Variants in ERBB4 observed in about 807,000 individuals in gnomAD.
ERBB4 encodes receptor tyrosine-protein kinase erbB-4.
Under a neutral mutation model 158.0 loss-of-function variants are expected in ERBB4, and 42 were observed. The observed-to-expected ratio is 0.27, with a 90% CI of 0.21 to 0.34. The LOEUF is 0.34. Among genes scored for constraint, ERBB4 ranks in the 10% least tolerant of loss-of-function variants. ERBB4 has a pLI of 1.00. For missense variants in ERBB4, 1,333 were observed against 1,624.1 expected (o/e 0.82, Z 3.08); for synonymous variants, 583 against 558.7 (o/e 1.04, Z -0.61).
At chr2:211,956,600 A>C (rs917711862) in intron 2 of ERBB4, among the ~76,000 whole-genome samples, 3 of 152,122 alleles carry the variant, frequency 2.0e-5, no homozygotes, top group Admixed American at 6.6e-5. Context: ...AATGCTCAAA[A>C]GTTGAATCAA....
intron 9 of ERBB4, among the ~76,000 whole-genome samples, chr2:211,707,914 TG>T (rs1404193598): frequency 1.4e-4 from 22 of 152,216 alleles, no homozygotes; most frequent in African/African-American, 5.1e-4. Flanking sequence ...TTATTATTTT[TG>T]CATTTTATCA....
intron 25 of ERBB4, among the ~76,000 whole-genome samples, chr2:211,408,257 A>G (rs958036783): frequency 1.3e-5 from 2 of 152,216 alleles, no homozygotes; most frequent in African/African-American, 4.8e-5. Context: ...AGATTTTCCC[A>G]GTAATTTACA....
intron 3 of ERBB4, among the ~76,000 whole-genome samples, chr2:211,795,436 G>A (rs1432900794): frequency 6.6e-6 from 1 of 151,818 alleles, no homozygotes; most frequent in African/African-American, 2.4e-5. Context: ...CTTGGTATGA[G>A]CAAGGAATAT....
chr2:211,581,641 T>C (rs1359178186), intron 19 of ERBB4, among the ~76,000 whole-genome samples: 1 of 152,168 alleles, frequency 6.6e-6, no homozygotes, highest in East Asian at 1.9e-4. Flanking sequence ...CTGCTCTTTC[T>C]TCCCATCATT....
At chr2:212,440,734 A>T (rs1469963245) in intron 1 of ERBB4, among the ~76,000 whole-genome samples, 1 of 152,210 alleles carries the variant, frequency 6.6e-6, no homozygotes, top group East Asian at 1.9e-4. Context: ...GTTATGCAAA[A>T]TAAATGCACT....
chr2:211,796,778 T>C (rs1316070842), intron 3 of ERBB4, among the ~76,000 whole-genome samples: 1 of 151,924 alleles, frequency 6.6e-6, no homozygotes, highest in African/African-American at 2.4e-5. Context: ...TCTTACTATG[T>C]GTAAAACATT....
intron 2 of ERBB4, among the ~76,000 whole-genome samples, chr2:212,074,884 TA>T (rs541061511): frequency 2.8e-4 from 43 of 151,980 alleles, no homozygotes; most frequent in Non-Finnish European, 5.9e-4. Context: ...TCCTTTCCTC[TA>T]ACCAAACAAT....
intron 1 of ERBB4, among the ~76,000 whole-genome samples, chr2:212,393,039 C>T (rs1269324738): frequency 6.6e-6 from 1 of 152,098 alleles, no homozygotes; most frequent in East Asian, 1.9e-4. Flanking sequence ...CCAAAGCAAG[C>T]CCTGGGCAAA....
intron 4 of ERBB4, among the ~76,000 whole-genome samples, chr2:211,785,496 C>T (rs1296615889): frequency 6.6e-6 from 1 of 152,126 alleles, no homozygotes; most frequent in African/African-American, 2.4e-5. Flanking sequence ...TATTGCTCAA[C>T]CTAGGGTCAT....
Position 211,634,650 on chromosome 2 carries a change from C to G in ERBB4, c.1947-4056G>C, listed in dbSNP as rs550012710. 1.6e-4 allele frequency among the ~76,000 whole-genome samples: 24 copies of G among 152,080 alleles called. No individual in the cohort carries two copies. The South Asian group carries it at 4.4e-3, about 28-fold the overall frequency. On this transcript the variant is annotated intron_variant, in intron 16 of 27. Transcript: ENST00000342788. The stretch of plus-strand genomic sequence containing the variant: ...GATGATAATGGCTATTACCAACCAA[C>G]CTGTTTCTGAGCGTGAATGTGATTT...
At chr2:212,207,388 A>G (rs1022895056) in intron 1 of ERBB4, among the ~76,000 whole-genome samples, 2 of 152,210 alleles carry the variant, frequency 1.3e-5, no homozygotes, top group Admixed American at 6.5e-5. Context: ...AAATAATCTT[A>G]TGCATTTGCA....
At chr2:211,748,937 A>G (rs868045842) in intron 5 of ERBB4, among the ~76,000 whole-genome samples, 1 of 152,220 alleles carries the variant, frequency 6.6e-6, no homozygotes, top group Non-Finnish European at 1.5e-5. Flanking sequence ...TTAGCCTCCA[A>G]TTCTTTGCTA....
intron 1 of ERBB4, among the ~76,000 whole-genome samples, chr2:212,213,444 T>C (rs549046842): frequency 7.2e-5 from 11 of 152,030 alleles, no homozygotes; most frequent in African/African-American, 2.2e-4. Flanking sequence ...GAAGTTGTCT[T>C]AATTTTATGC....
chr2:212,449,470 T>C (rs1345487896), intron 1 of ERBB4, among the ~76,000 whole-genome samples: 3 of 152,182 alleles, frequency 2.0e-5, no homozygotes, highest in Non-Finnish European at 1.5e-5. Context: ...TGTGCATTTC[T>C]GTTAAAAGAT....
At chr2:211,465,505 T>C (rs1459860138) in intron 20 of ERBB4, among the ~76,000 whole-genome samples, 1 of 152,038 alleles carries the variant, frequency 6.6e-6, no homozygotes, top group Non-Finnish European at 1.5e-5. Flanking sequence ...AGAGAGAAGA[T>C]AATAGGGGAA....
At chr2:211,567,983 C>T (rs1261311174) in intron 19 of ERBB4, among the ~76,000 whole-genome samples, 1 of 152,018 alleles carries the variant, frequency 6.6e-6, no homozygotes, top group African/African-American at 2.4e-5. Context: ...TGTTAGTTAT[C>T]TTTGTGTGGG....
chr2:211,696,454 A>C (rs1162742714), intron 12 of ERBB4, among the ~76,000 whole-genome samples: 1 of 151,948 alleles, frequency 6.6e-6, no homozygotes, highest in African/African-American at 2.4e-5. Context: ...TGAGGTGAAT[A>C]CTATTATCTA....
intron 2 of ERBB4, among the ~76,000 whole-genome samples, chr2:212,026,961 T>C (rs2076787012): frequency 6.6e-6 from 1 of 151,956 alleles, no homozygotes; most frequent in Admixed American, 6.6e-5. Context: ...AATAATGTTA[T>C]AATATTTAGT....
In ERBB4 at chr2:211,788,067, G is replaced by A. The variant is rs375307182; in HGVS notation, c.514C>T (p.Pro172Ser). ...GTTGACACAAGAGTCAAGTTGGAAG[G>A]CCATGGGTTCCGAACAATATCTTGC... ...HWQDIVRNPW[P>S]SNLTLVSTNG... Residue 172 changes from proline (P) to serine (S), a missense_variant, in exon 4 of 28, where the codon CCT becomes TCT. Coordinates refer to ENST00000342788, the MANE Select transcript of ERBB4 (RefSeq NM_005235.3). 6.2e-7 allele frequency: 1 copy of A among 1,613,040 alleles called. No individual in the cohort carries two copies. Among genetic ancestry groups the A allele is most frequent in the African/African-American group, 1.3e-5 (1 of 74,878 alleles).
Sources: gnomAD v4.1 joint callset for allele counts (sites outside exome capture counted in the v4.1 genomes callset) on GRCh38, gnomAD v4.1.1 for gene constraint, MANE v1.5 for transcripts, NCBI Gene and HGNC (gene_info 2026-07-23, HGNC 2026-07-21) for gene names.